The following ZNF404 variants were observed in gnomAD, a reference collection of about 807,000 sequenced individuals.
ZNF404 encodes zinc finger protein 404.
In ZNF404, 7 loss-of-function variants were observed where a neutral mutation model predicts 7.3. The observed-to-expected ratio is 0.95, with a 90% CI of 0.54 to 1.79. The LOEUF (loss-of-function observed/expected upper bound fraction) is 1.79, where lower values mean the gene tolerates loss of function less well. ZNF404 is among the 40% of genes most tolerant of loss of function. The probability of loss-of-function intolerance (pLI) is 0.00; values close to 1 mark genes in which losing one functional copy is unlikely to be tolerated. For synonymous variants in ZNF404, 191 were observed against 209.9 expected (o/e 0.91, Z 0.78); for missense variants, 560 against 661.5 (o/e 0.85, Z 1.68).
chr19:43,880,134 C>T lies in ZNF404; in HGVS notation c.12G>A (p.Val4=). 1.9e-6 allele frequency: 3 copies of T among 1,607,994 alleles called. No individual in the cohort carries two copies. The highest frequency in any genetic ancestry group is 2.5e-6 in the Non-Finnish European group (3 of 1,177,516). The part of the protein sequence containing the change: MAR[V]PLTFSDVAID... ...TGGCAACATCGCTGAATGTCAATGG[C>T]ACCTGAAATGACAAACCTGTGTATT... The change falls in exon 2 of 3, where the codon GTG becomes GTA. Residue 4 remains valine, a splice_region_variant and synonymous_variant. Coordinates refer to ENST00000587539, the MANE Select transcript of ZNF404 (RefSeq NM_001033719.3).
intron 1 of ZNF404, among the ~76,000 whole-genome samples, chr19:43,882,737 A>G (rs1971906601): frequency 6.6e-6 from 1 of 150,804 alleles, no homozygotes; most frequent in Non-Finnish European, 1.5e-5. Context: ...GCTGCGGTAA[A>G]CCTTGATAAC....
intron 1 of ZNF404, among the ~76,000 whole-genome samples, chr19:43,883,347 G>C (rs1971912378): frequency 6.6e-6 from 1 of 152,028 alleles, no homozygotes; most frequent in East Asian, 1.9e-4. Flanking sequence ...CAGTAATGCA[G>C]AATGATCCAG....
At chr19:43,883,399 T>C (rs1971912837) in intron 1 of ZNF404, among the ~76,000 whole-genome samples, 1 of 152,144 alleles carries the variant, frequency 6.6e-6, no homozygotes, top group Non-Finnish European at 1.5e-5. Context: ...TCTCTTCCAC[T>C]ACAAAATGGG....
intron 2 of ZNF404, 129 bp from the exon 3 acceptor site, chr19:43,874,206 T>A (rs551419243): frequency 4.0e-5 from 28 of 693,378 alleles, no homozygotes; most frequent in Admixed American, 3.9e-4. Context: ...TAGAAAATTC[T>A]AAAGTACTGC....
At position 43,873,915 on chromosome 19, in the gene ZNF404, T is replaced by A; in HGVS notation, c.299A>T (p.Gln100Leu). The A allele has an allele frequency of 6.2e-7, 1 of 1,613,314 alleles. No homozygotes were observed. Among genetic ancestry groups the A allele is most frequent in the Non-Finnish European group, 8.5e-7 (1 of 1,179,534 alleles). The change falls in exon 3 of 3, where the codon CAG becomes CTG. Residue 100 changes from glutamine (Q) to leucine (L), a missense_variant. Physicochemically the swap from Gln to Leu is moderately radical, Grantham distance 113. Coordinates refer to ENST00000587539, the MANE Select transcript of ZNF404 (RefSeq NM_001033719.3). ...PQYTIEFGRQ[Q>L]RPKVGCFSQM... ...ACTAAAACATCCCACTTTAGGTCTC[T>A]GTTGTCTCCCAAATTCAATTGTGTA...
intron 2 of ZNF404, among the ~76,000 whole-genome samples, chr19:43,875,157 T>G (rs1370985694): frequency 1.3e-5 from 2 of 152,208 alleles, no homozygotes; most frequent in Non-Finnish European, 2.9e-5. Flanking sequence ...CATTCTGCAA[T>G]AACCTGTCCC....
intron 2 of ZNF404, 134 bp downstream of exon 2, chr19:43,879,876 T>C: frequency 1.8e-6 from 2 of 1,138,068 alleles, no homozygotes; most frequent in Admixed American, 3.8e-5. Context: ...AATATGCCCA[T>C]TTCCACCTAA....
chr19:43,874,205 C>T (rs1250496968), intron 2 of ZNF404, 128 bp from the exon 3 acceptor site: 7 of 696,800 alleles, frequency 1.0e-5, no homozygotes, highest in African/African-American at 9.5e-5. Context: ...TTAGAAAATT[C>T]TAAAGTACTG....
chr19:43,875,051 A>G (rs1971842568), intron 2 of ZNF404, among the ~76,000 whole-genome samples: 1 of 152,182 alleles, frequency 6.6e-6, no homozygotes. Flanking sequence ...CTCACTCCTT[A>G]TTAATCTTTT....
chr19:43,874,797 G>GT (rs1350291053), intron 2 of ZNF404, among the ~76,000 whole-genome samples: 1 of 151,930 alleles, frequency 6.6e-6, no homozygotes, highest in African/African-American at 2.4e-5. Flanking sequence ...AATCTCATTT[G>GT]TTTTACTACT....
intron 2 of ZNF404, 28 bp from the exon 3 acceptor site, chr19:43,874,105 T>C (rs1215430671): frequency 3.4e-6 from 5 of 1,459,466 alleles, no homozygotes; most frequent in East Asian, 2.3e-5. Flanking sequence ...AACAAACAAA[T>C]GCTATTTTCC....
chr19:43,880,163 T>C (rs776162956), intron 1 of ZNF404, 27 bp from the exon 2 acceptor site: 1 of 1,577,966 alleles, frequency 6.3e-7, no homozygotes, highest in South Asian at 1.2e-5. Flanking sequence ...GTGTATTATT[T>C]GTAAAAGTAA....
intron 2 of ZNF404, 76 bp downstream of exon 2, chr19:43,879,934 G>A: frequency 6.4e-7 from 1 of 1,555,282 alleles, no homozygotes; most frequent in Non-Finnish European, 8.8e-7. Context: ...TCTTGGCATA[G>A]ACCATAAAAT....
chr19:43,879,587 T>TA, intron 2 of ZNF404, among the ~76,000 whole-genome samples: 1 of 152,334 alleles, frequency 6.6e-6, no homozygotes, highest in South Asian at 2.1e-4. Context: ...TCTACTACTA[T>TA]AAAAATTATG....
intron 2 of ZNF404, among the ~76,000 whole-genome samples, chr19:43,879,147 AG>A (rs1971874911): frequency 6.6e-6 from 1 of 152,232 alleles, no homozygotes. Context: ...ATGAAAATTT[AG>A]TAATAAAAGG....
chr19:43,879,978 T>C (rs1971882397), intron 2 of ZNF404, 32 bp downstream of exon 2: 2 of 1,611,488 alleles, frequency 1.2e-6, no homozygotes, highest in South Asian at 1.1e-5. Context: ...CTAGAGAGCA[T>C]ATTGTACATC....
intron 1 of ZNF404, chr19:43,881,774 T>C (rs1288441911): frequency 6.6e-6 from 1 of 151,970 alleles, no homozygotes; most frequent in Non-Finnish European, 1.5e-5. Context: ...CTGACCAACA[T>C]GGAGAAACCC....
At chr19:43,879,959 G>A in intron 2 of ZNF404, 51 bp downstream of exon 2, 1 of 1,601,832 alleles carries the variant, frequency 6.2e-7, no homozygotes, top group East Asian at 2.2e-5. Flanking sequence ...AACAGAGAAG[G>A]CTGATATTCT....
At chr19:43,876,241 G>A (rs1971849597) in intron 2 of ZNF404, among the ~76,000 whole-genome samples, 1 of 152,112 alleles carries the variant, frequency 6.6e-6, no homozygotes, top group African/African-American at 2.4e-5. Context: ...TTGAACCCAG[G>A]AGGCAGAGGT....
Sources: gnomAD v4.1 joint callset for allele counts (sites outside exome capture counted in the v4.1 genomes callset) on GRCh38, gnomAD v4.1.1 for gene constraint, MANE v1.5 for transcripts, NCBI Gene and HGNC (gene_info 2026-07-23, HGNC 2026-07-21) for gene names.